Variants in SGCZ observed in about 807,000 individuals in gnomAD.
SGCZ encodes sarcoglycan zeta.
A neutral mutation model predicts 41.3 loss-of-function variants in SGCZ; 40 were observed. The ratio of observed to expected loss-of-function variants is 0.97; its 90% CI spans 0.75 to 1.26. The LOEUF is 1.26. Among genes scored for constraint, SGCZ ranks in the 50% most tolerant of loss-of-function variants. SGCZ has a pLI of 0.00. For missense variants in SGCZ, 552 were observed against 369.8 expected (o/e 1.49, Z -4.04); for synonymous variants, 206 against 137.5 (o/e 1.50, Z -3.49).
intron 2 of SGCZ, among the ~76,000 whole-genome samples, chr8:14,502,303 G>A (rs1802177850): frequency 6.6e-6 from 1 of 151,964 alleles, no homozygotes. Context: ...CAATAAAAAT[G>A]AAAAATAGAA....
intron 1 of SGCZ, among the ~76,000 whole-genome samples, chr8:14,853,968 G>C (rs77552400): frequency 1.4e-5 from 2 of 145,482 alleles, no homozygotes; most frequent in East Asian, 4.1e-4. Flanking sequence ...GTCGAAATTT[G>C]CCTACTCCTA....
chr8:14,763,242 T>C (rs865953226), intron 1 of SGCZ, among the ~76,000 whole-genome samples: 3 of 152,022 alleles, frequency 2.0e-5, no homozygotes, highest in Non-Finnish European at 2.9e-5. Flanking sequence ...TCTTATATTA[T>C]TGCAAGCTTG....
At position 14,088,824 on chromosome 8, in the gene SGCZ, C is replaced by G. The variant is rs1801603164; in HGVS notation, c.*1619G>C. ...TGCATTGCCAATATTTCTACTTTCA[C>G]TAACCACATCTTTTGCAACAAGTTC... is the stretch of plus-strand genomic sequence containing the variant. On this transcript the variant is annotated 3_prime_UTR_variant, in exon 8 of 8. Transcript: ENST00000382080. 6.6e-6 allele frequency among the ~76,000 whole-genome samples: 1 copy of G among 151,862 alleles called. No individual in the cohort carries two copies.
intron 1 of SGCZ, among the ~76,000 whole-genome samples, chr8:14,634,244 T>C (rs1585141758): frequency 6.6e-6 from 1 of 151,914 alleles, no homozygotes; most frequent in South Asian, 2.1e-4. Context: ...TTTGTGTCCA[T>C]AGTATCAAAC....
chr8:14,541,962 AC>A (rs1239068987), intron 2 of SGCZ, among the ~76,000 whole-genome samples: 1 of 151,988 alleles, frequency 6.6e-6, no homozygotes, highest in Non-Finnish European at 1.5e-5. Context: ...TCCTTTGCTC[AC>A]TTTTTGATGA....
At chr8:14,222,725 A>C (rs1806241022) in intron 4 of SGCZ, among the ~76,000 whole-genome samples, 1 of 149,914 alleles carries the variant, frequency 6.7e-6, no homozygotes, top group Non-Finnish European at 1.5e-5. Flanking sequence ...TTTGGTTCTA[A>C]ACTATTAACC....
chr8:14,703,736 G>T (rs2117606236), intron 1 of SGCZ, among the ~76,000 whole-genome samples: 1 of 152,034 alleles, frequency 6.6e-6, no homozygotes, highest in South Asian at 2.1e-4. Context: ...GACTTTAGTG[G>T]CTGTGGTCTC....
At chr8:15,201,981 T>C (rs1451429476) in intron 1 of SGCZ, among the ~76,000 whole-genome samples, 1 of 152,252 alleles carries the variant, frequency 6.6e-6, no homozygotes, top group Non-Finnish European at 1.5e-5. Context: ...TTGATTTTTT[T>C]CATTCTGATT....
In SGCZ at chr8:14,450,454, G is replaced by C. The variant is rs149041335; in HGVS notation, c.234+104278C>G. ...GTAATGAGCAGTATTGAATTAACTT[G>C]AAAGTGTAAGAGAAAATGTCTGTGT... On this transcript the variant is annotated intron_variant, in intron 2 of 7. Coordinates refer to ENST00000382080, the MANE Select transcript of SGCZ (RefSeq NM_139167.4). Among the ~76,000 whole-genome samples the C allele has an allele frequency of 2.2e-4, 34 of 152,280 alleles. No homozygotes were observed. The East Asian group carries it at 5.4e-3, about 24-fold the overall frequency.
intron 1 of SGCZ, among the ~76,000 whole-genome samples, chr8:14,978,090 C>T (rs369103471): frequency 6.6e-6 from 1 of 151,880 alleles, no homozygotes; most frequent in South Asian, 2.1e-4. Flanking sequence ...CTTTCATGTT[C>T]TCATATGCTA....
At chr8:14,633,099 G>C (rs751605080) in intron 1 of SGCZ, among the ~76,000 whole-genome samples, 1 of 151,946 alleles carries the variant, frequency 6.6e-6, no homozygotes, top group Non-Finnish European at 1.5e-5. Flanking sequence ...AATGGTATTT[G>C]CAAAGTGTTT....
chr8:14,300,103 G>A (rs557937525), intron 3 of SGCZ, among the ~76,000 whole-genome samples: 119 of 151,986 alleles, frequency 7.8e-4, no homozygotes, highest in South Asian at 2.7e-3. Flanking sequence ...TGCCTGAAGT[G>A]GGCTTTAGGA....
chr8:14,633,832 G>A (rs1246184053), intron 1 of SGCZ, among the ~76,000 whole-genome samples: 3 of 151,900 alleles, frequency 2.0e-5, no homozygotes, highest in African/African-American at 7.2e-5. Flanking sequence ...GTAGTCCAGT[G>A]TTCTGAACAT....
chr8:14,190,763 C>T (rs903750574), intron 4 of SGCZ, among the ~76,000 whole-genome samples: 4 of 151,834 alleles, frequency 2.6e-5, no homozygotes, highest in East Asian at 3.9e-4. Context: ...CCACCACGCC[C>T]GGCTAATTTT....
chr8:14,403,542 A>T (rs541209276), intron 2 of SGCZ, among the ~76,000 whole-genome samples: 2 of 152,070 alleles, frequency 1.3e-5, no homozygotes, highest in South Asian at 4.1e-4. Flanking sequence ...ATCTATTGAG[A>T]TAACCATGTG....
intron 3 of SGCZ, among the ~76,000 whole-genome samples, chr8:14,248,946 C>T (rs1027395724): frequency 5.9e-5 from 9 of 151,982 alleles, no homozygotes; most frequent in African/African-American, 2.2e-4. Flanking sequence ...AATGGAATTA[C>T]AAAATATAAA....
intron 1 of SGCZ, among the ~76,000 whole-genome samples, chr8:14,788,888 A>G (rs1800856628): frequency 6.6e-6 from 1 of 152,244 alleles, no homozygotes; most frequent in East Asian, 1.9e-4. Context: ...AGGTAGGAAG[A>G]TTGCTCGGGG....
intron 1 of SGCZ, among the ~76,000 whole-genome samples, chr8:15,082,538 C>T (rs925395920): frequency 4.0e-5 from 6 of 151,836 alleles, no homozygotes; most frequent in African/African-American, 1.5e-4. Context: ...TTACAAAATC[C>T]ATGCAAAGGT....
At chr8:14,366,399 A>T (rs1422603175) in intron 2 of SGCZ, among the ~76,000 whole-genome samples, 7 of 152,132 alleles carry the variant, frequency 4.6e-5, no homozygotes, top group Non-Finnish European at 8.8e-5. Flanking sequence ...TTCACTCCCT[A>T]TCATGAGAAC....
Sources: allele counts gnomAD v4.1 joint callset (sites outside exome capture counted in the v4.1 genomes callset), GRCh38; gene constraint gnomAD v4.1.1; transcripts MANE v1.5; gene names NCBI Gene and HGNC (gene_info 2026-07-23, HGNC 2026-07-21).